Variants in SLC35F4 observed in about 807,000 individuals in gnomAD.
SLC35F4 encodes solute carrier family 35 member F4, also known as chromosome 14 open reading frame 36.
Under a neutral mutation model 44.2 loss-of-function variants are expected in SLC35F4, and 24 were observed. That is an observed-to-expected ratio of 0.54 (90% CI 0.39 to 0.76). The LOEUF is 0.76. SLC35F4 is among the 30% of genes least tolerant of loss of function. SLC35F4 has a pLI of 0.00. For synonymous variants in SLC35F4, 238 were observed against 223.6 expected (o/e 1.06, Z -0.57); for missense variants, 562 against 586.1 (o/e 0.96, Z 0.42).
At chr14:57,773,804 A>C (rs2077425134) in intron 1 of SLC35F4, among the ~76,000 whole-genome samples, 1 of 152,180 alleles carries the variant, frequency 6.6e-6, no homozygotes, top group Admixed American at 6.5e-5. Context: ...CAGATCTCTA[A>C]TAGAATCCCT....
At position 57,566,471 on chromosome 14, in the gene SLC35F4, G is replaced by A. The variant is rs771345490; in HGVS notation, c.1216+4C>T. On this transcript the variant is annotated splice_donor_region_variant and intron_variant, in intron 7 of 7. Transcript: ENST00000556826. ...GATCTGCACATGTCACATGGTGCCT[G>A]TACCTGCATTTCCAGGAACGCTGAG... The A allele has an allele frequency of 3.9e-5, 62 of 1,584,866 alleles. No individual in the cohort carries two copies. The highest frequency in any genetic ancestry group is 7.1e-5 in the Admixed American group (4 of 55,952).
At chr14:57,608,147 T>G (rs191605942) in intron 1 of SLC35F4, among the ~76,000 whole-genome samples, 2 of 152,108 alleles carry the variant, frequency 1.3e-5, no homozygotes, top group Non-Finnish European at 2.9e-5. Context: ...TTGAGAGTCA[T>G]CAGTGTATGG....
rs572660364 is a variant in SLC35F4, at chr14:57,865,989, A to AGCGGCGGCGGCG, written c.-176_-165dup. Reference sequence around the variant, plus strand: ...CGGCGCAGCACCGGCTCCGCATCACAGCGGCGGCGGCGGCGGCGGCGGCGG... The same window carrying AGCGGCGGCGGCG: ...CGGCGCAGCACCGGCTCCGCATCACAGCGGCGGCGGCGGCGGCGGCGGCGGCGGCGGCGGCGG... On this transcript the variant is annotated 5_prime_UTR_variant, in exon 1 of 8. Coordinates refer to ENST00000556826, the MANE Select transcript of SLC35F4 (RefSeq NM_001306087.2). 1.4e-4 allele frequency: 52 copies of AGCGGCGGCGGCG among 373,322 alleles called. No individual in the cohort carries two copies. The highest frequency in any genetic ancestry group is 1.1e-3 in the East Asian group (21 of 18,292). 23.1% of individuals were successfully genotyped at this position (373,322 alleles called of 1,614,324 possible).
chr14:57,889,454 C>T (rs1888716082), intron 1 of SLC35F4, among the ~76,000 whole-genome samples: 1 of 152,252 alleles, frequency 6.6e-6, no homozygotes, highest in South Asian at 2.1e-4. Flanking sequence ...CTGCAGCCAT[C>T]ACTACTGAGT....
At chr14:57,760,216 A>T (rs2077092559) in intron 1 of SLC35F4, among the ~76,000 whole-genome samples, 1 of 152,022 alleles carries the variant, frequency 6.6e-6, no homozygotes, top group South Asian at 2.1e-4. Flanking sequence ...TGCATGTTGT[A>T]AGATTAGGGT....
intron 1 of SLC35F4, among the ~76,000 whole-genome samples, chr14:57,641,735 A>G (rs1156998172): frequency 6.6e-6 from 1 of 152,052 alleles, no homozygotes; most frequent in Non-Finnish European, 1.5e-5. Flanking sequence ...TACATAGAAC[A>G]GCTATTACAC....
At chr14:57,611,362 G>C (rs986328845) in intron 1 of SLC35F4, among the ~76,000 whole-genome samples, 1 of 152,130 alleles carries the variant, frequency 6.6e-6, no homozygotes, top group Admixed American at 6.5e-5. Flanking sequence ...GAAGTTGGGT[G>C]TATTCCCATG....
intron 1 of SLC35F4, among the ~76,000 whole-genome samples, chr14:57,649,685 A>G (rs1428762019): frequency 6.6e-5 from 10 of 152,036 alleles, no homozygotes; most frequent in Admixed American, 2.6e-4. Flanking sequence ...GGCCATATCT[A>G]TTTTTCTCCA....
intron 1 of SLC35F4, among the ~76,000 whole-genome samples, chr14:57,669,269 A>T (rs10431626): frequency 1 from 150,383 of 151,024 alleles, 74,895 homozygotes; most frequent in Middle Eastern, 1. Flanking sequence ...AATCATGTCA[A>T]CTGCAAACAG....
chr14:57,618,432 G>T lies in SLC35F4; in HGVS notation c.104-24308C>A, dbSNP rs190707711. Among the ~76,000 whole-genome samples, 112 of 152,274 alleles carry T rather than the reference G, an allele frequency of 7.4e-4. 1 individual carries two copies. The highest frequency in any genetic ancestry group is 1.3e-3 in the Non-Finnish European group (86 of 68,022). On this transcript the variant is annotated intron_variant, in intron 1 of 7. Coordinates refer to ENST00000556826, the MANE Select transcript of SLC35F4 (RefSeq NM_001306087.2). Reference sequence around the variant, plus strand: ...TGTTGCCTCACCCAAGAAGCAGAAGGGGTCGGGGGAGTTCCCTCCCCTACC... The same window carrying T: ...TGTTGCCTCACCCAAGAAGCAGAAGTGGTCGGGGGAGTTCCCTCCCCTACC...
chr14:57,648,597 T>C (rs1384369267), intron 1 of SLC35F4, among the ~76,000 whole-genome samples: 2 of 152,196 alleles, frequency 1.3e-5, no homozygotes, highest in Admixed American at 1.3e-4. Flanking sequence ...CAAAACTATA[T>C]TCCTCTCCCC....
intron 1 of SLC35F4, among the ~76,000 whole-genome samples, chr14:57,880,937 G>A (rs1888523316): frequency 6.6e-6 from 1 of 152,182 alleles, no homozygotes; most frequent in African/African-American, 2.4e-5. Flanking sequence ...GACACAGAAT[G>A]CACAAATTGG....
Position 57,566,494 on chromosome 14 carries a change from G to A in SLC35F4, c.1197C>T (p.Leu399=), listed in dbSNP as rs764458899. The change falls in exon 7 of 8, where the codon CTC becomes CTT. Residue 399 remains leucine (L), a synonymous_variant. Coordinates refer to ENST00000556826, the MANE Select transcript of SLC35F4 (RefSeq NM_001306087.2). ...CTGTACCTGCATTTCCAGGAACGCTGAGCACTGTCCCAATGGAGATTAGGA... is the reference window on the plus strand; with the variant it reads ...CTGTACCTGCATTTCCAGGAACGCTAAGCACTGTCCCAATGGAGATTAGGA... The part of the protein sequence containing the change: ...YPILISIGTV[L]SVPGNAAVDL... The A allele has an allele frequency of 6.3e-7, 1 of 1,597,460 alleles. No individual in the cohort carries two copies. Among genetic ancestry groups the A allele is most frequent in the Non-Finnish European group, 8.5e-7 (1 of 1,172,072 alleles).
chr14:57,671,166 G>A (rs1376095709), intron 1 of SLC35F4, among the ~76,000 whole-genome samples: 3 of 151,988 alleles, frequency 2.0e-5, no homozygotes, highest in African/African-American at 4.8e-5. Flanking sequence ...TAGGCTGCAG[G>A]TGCCCATCCT....
chr14:57,754,457 C>T (rs2076952581), intron 1 of SLC35F4, among the ~76,000 whole-genome samples: 1 of 152,158 alleles, frequency 6.6e-6, no homozygotes, highest in Non-Finnish European at 1.5e-5. Flanking sequence ...TTGCATCCTT[C>T]TTCCTGTGAG....
chr14:57,816,752 G>C (rs542749469), intron 1 of SLC35F4, among the ~76,000 whole-genome samples: 1 of 152,322 alleles, frequency 6.6e-6, no homozygotes, highest in Admixed American at 6.5e-5. Context: ...AATGGGGGAT[G>C]GGAGTTTGTA....
At chr14:57,977,210 T>C (rs1881244592) in intron 1 of SLC35F4, among the ~76,000 whole-genome samples, 1 of 152,170 alleles carries the variant, frequency 6.6e-6, no homozygotes, top group African/African-American at 2.4e-5. Flanking sequence ...GTGCTCTAAT[T>C]TATATAACTA....
intron 1 of SLC35F4, among the ~76,000 whole-genome samples, chr14:57,854,601 C>T (rs904824414): frequency 2.0e-5 from 3 of 152,222 alleles, no homozygotes; most frequent in Non-Finnish European, 2.9e-5. Flanking sequence ...TATCCATCTT[C>T]AGCTGAGATT....
chr14:57,975,313 C>G (rs922479543), downstream of SLC35F4, among the ~76,000 whole-genome samples: 10 of 152,320 alleles, frequency 6.6e-5, no homozygotes, highest in East Asian at 7.7e-4. Context: ...TTTTAGTAAG[C>G]TGAAGGAAGT....
Sources: gnomAD v4.1 joint callset for allele counts (sites outside exome capture counted in the v4.1 genomes callset) on GRCh38, gnomAD v4.1.1 for gene constraint, MANE v1.5 for transcripts, NCBI Gene and HGNC (gene_info 2026-07-23, HGNC 2026-07-21) for gene names.